CLYBL: variants seen among roughly 807,000 people sequenced by gnomAD.
CLYBL encodes the protein citramalyl-CoA lyase.
A neutral mutation model predicts 38.9 loss-of-function variants in CLYBL; 31 were observed. The observed-to-expected ratio is 0.80, with a 90% CI of 0.60 to 1.08. The LOEUF (loss-of-function observed/expected upper bound fraction) is 1.08. Among genes scored for constraint, CLYBL ranks in the 50% least tolerant of loss-of-function variants. The pLI is 0.00. For synonymous variants in CLYBL, 171 were observed against 158.6 expected (o/e 1.08, Z -0.59); for missense variants, 434 against 411.6 (o/e 1.05, Z -0.47).
chr13:99,856,436 T>C (rs553633127), intron 2 of CLYBL, among the ~76,000 whole-genome samples: 55 of 152,336 alleles, frequency 3.6e-4, no homozygotes, highest in Middle Eastern at 3.4e-3. Flanking sequence ...CAATTTTCCA[T>C]TCATACTGTC....
At chr13:99,838,050 A>T (rs146802973) in intron 2 of CLYBL, among the ~76,000 whole-genome samples, 7 of 152,340 alleles carry the variant, frequency 4.6e-5, no homozygotes, top group Admixed American at 4.6e-4. Flanking sequence ...TCTTGAATAC[A>T]GTTTAAAAAT....
At chr13:99,900,181 C>T (rs2052625503), downstream of CLYBL, among the ~76,000 whole-genome samples, 1 of 131,418 alleles carries the variant, frequency 7.6e-6, no homozygotes, top group Admixed American at 8.2e-5. Flanking sequence ...CCCGCCTCGG[C>T]CTCCCAAAGT....
At chr13:99,781,232 G>GCGATCTTGGCTCACTGCTAGCTC (rs1217066846) in intron 2 of CLYBL, among the ~76,000 whole-genome samples, 21 of 149,902 alleles carry the variant, frequency 1.4e-4, no homozygotes, top group Non-Finnish European at 2.7e-4. Context: ...GTGCAGTGGT[G>GCGATCTTGGCTCACTGCTAGCTC]CGATCTTGGC....
chr13:99,698,450 A>G (rs1199417073), intron 1 of CLYBL, among the ~76,000 whole-genome samples: 3 of 152,066 alleles, frequency 2.0e-5, no homozygotes, highest in African/African-American at 4.8e-5. Flanking sequence ...CGTTCAAGCT[A>G]TAAGTAGTTA....
chr13:99,887,463 CAGAA>C (rs2052378934), intron 7 of CLYBL, among the ~76,000 whole-genome samples: 2 of 152,228 alleles, frequency 1.3e-5, no homozygotes, highest in African/African-American at 4.8e-5. Context: ...AACTCAGAGA[CAGAA>C]AGGAGAATGG....
At chr13:99,697,982 G>T (rs2048005909) in intron 1 of CLYBL, among the ~76,000 whole-genome samples, 1 of 152,126 alleles carries the variant, frequency 6.6e-6, no homozygotes, top group Non-Finnish European at 1.5e-5. Context: ...GGGCAGCAGG[G>T]CACTGGGCCA....
rs759290602 is a variant in CLYBL at position 99,606,733 on chromosome 13, C to A, written c.38C>A (p.Ala13Asp). 5 of 1,487,638 alleles carry A rather than the reference C, an allele frequency of 3.4e-6. No individual in the cohort carries two copies. The East Asian group carries it at 1.4e-4, about 43-fold the overall frequency. The allele number at this position is 1,487,638 out of a possible 1,614,324, so 92.2% of individuals were successfully genotyped here. A position where few individuals can be genotyped will look rare whatever the true frequency, so the allele number is the denominator to read the frequency against. The change falls in exon 1 of 9, where the codon GCT becomes GAT. Residue 13 changes from alanine to aspartate, a missense_variant. Coordinates refer to ENST00000339105, the MANE Select transcript of CLYBL (RefSeq NM_206808.5). ...CTGCTGCGGAGGGCGGCGCGCGGAG[C>A]TGCGGCGGCGGCGCTGCTGAGGCTG... ...LRLLRRAARG[A>D]AAAALLRLKA...
chr13:99,895,458 C>A (rs922189292), downstream of CLYBL: 5 of 152,222 alleles, frequency 3.3e-5, no homozygotes, highest in African/African-American at 1.2e-4. Flanking sequence ...CTTCCCAGCT[C>A]GTCTTCGCGG....
chr13:99,637,022 G>C (rs1003791235), intron 1 of CLYBL, among the ~76,000 whole-genome samples: 2 of 152,188 alleles, frequency 1.3e-5, no homozygotes, highest in Admixed American at 1.3e-4. Flanking sequence ...TGGGACTACA[G>C]TCATGTGCAA....
chr13:99,880,143 C>T (rs921525878), intron 7 of CLYBL, among the ~76,000 whole-genome samples: 1 of 146,712 alleles, frequency 6.8e-6, no homozygotes, highest in Non-Finnish European at 1.5e-5. Flanking sequence ...TCTTGGCTCA[C>T]TGCAACCTCT....
intron 1 of CLYBL, among the ~76,000 whole-genome samples, chr13:99,684,289 C>T (rs191890772): frequency 2.5e-4 from 37 of 147,640 alleles, no homozygotes; most frequent in Admixed American, 1.4e-3. Flanking sequence ...GAGCAATTCT[C>T]GTGCCTCAGC....
At chr13:99,729,715 A>G (rs1019264987) in intron 1 of CLYBL, among the ~76,000 whole-genome samples, 1 of 152,204 alleles carries the variant, frequency 6.6e-6, no homozygotes, top group African/African-American at 2.4e-5. Flanking sequence ...CTACTGATAA[A>G]GTTTAGGAAT....
At chr13:99,798,791 T>C (rs1421495311) in intron 2 of CLYBL, among the ~76,000 whole-genome samples, 2 of 152,232 alleles carry the variant, frequency 1.3e-5, no homozygotes, top group Non-Finnish European at 2.9e-5. Flanking sequence ...TAAGTGTAGT[T>C]AGACATAAAT....
At chr13:99,641,943 A>G (rs1269882526) in intron 1 of CLYBL, among the ~76,000 whole-genome samples, 1 of 152,250 alleles carries the variant, frequency 6.6e-6, no homozygotes. Context: ...ACCATATGAA[A>G]TTAAATTTGG....
chr13:99,797,040 A>G (rs1364896126), intron 2 of CLYBL, among the ~76,000 whole-genome samples: 1 of 152,322 alleles, frequency 6.6e-6, no homozygotes, highest in Non-Finnish European at 1.5e-5. Context: ...TGTGATCAAT[A>G]TATGGTAGCT....
chr13:99,606,983 C>T (rs1030077235), intron 1 of CLYBL, among the ~76,000 whole-genome samples: 3 of 152,202 alleles, frequency 2.0e-5, no homozygotes, highest in Admixed American at 2.0e-4. Flanking sequence ...GGGTACACAC[C>T]TTAGGTCGAA....
chr13:99,699,916 A>C (rs990472779), intron 1 of CLYBL, among the ~76,000 whole-genome samples: 1 of 146,740 alleles, frequency 6.8e-6, no homozygotes, highest in African/African-American at 2.5e-5. Flanking sequence ...GGCGTGAACC[A>C]CGGAGGCGGA....
At chr13:99,828,847 A>G (rs923472965) in intron 2 of CLYBL, among the ~76,000 whole-genome samples, 29 of 152,122 alleles carry the variant, frequency 1.9e-4, no homozygotes, top group Non-Finnish European at 7.4e-5. Context: ...AGGGCGGCAG[A>G]GGTGCCAGGC....
chr13:99,792,323 T>A (rs1194312530), intron 2 of CLYBL, among the ~76,000 whole-genome samples: 2 of 152,014 alleles, frequency 1.3e-5, no homozygotes, highest in Non-Finnish European at 2.9e-5. Context: ...GAAACAGGAA[T>A]GGGAGGGCAG....
Sources: allele counts gnomAD v4.1 joint callset (sites outside exome capture counted in the v4.1 genomes callset), GRCh38; gene constraint gnomAD v4.1.1; transcripts MANE v1.5; gene names NCBI Gene and HGNC (gene_info 2026-07-23, HGNC 2026-07-21).